The following SLC26A8 variants were observed in gnomAD, a reference collection of about 807,000 sequenced individuals.
SLC26A8 encodes the protein testis anion transporter 1.
Under a neutral mutation model 105.0 loss-of-function variants are expected in SLC26A8, and 70 were observed. The ratio of observed to expected loss-of-function variants is 0.67; its 90% CI spans 0.55 to 0.81. The LOEUF is 0.81. SLC26A8 is among the 40% of genes least tolerant of loss of function. The probability of loss-of-function intolerance (pLI) is 0.00; values close to 1 mark genes in which losing one functional copy is unlikely to be tolerated. For missense variants in SLC26A8, 998 were observed against 1,181.8 expected (o/e 0.84, Z 2.28); for synonymous variants, 415 against 438.3 (o/e 0.95, Z 0.66).
intron 2 of SLC26A8, among the ~76,000 whole-genome samples, chr6:36,013,993 T>C (rs1276903212): frequency 6.6e-6 from 1 of 152,184 alleles, no homozygotes; most frequent in African/African-American, 2.4e-5. Context: ...TTCTAGCCAC[T>C]CTCCTGCCTC....
intron 7 of SLC26A8, among the ~76,000 whole-genome samples, chr6:35,984,617 C>T (rs1324244765): frequency 2.6e-5 from 4 of 152,170 alleles, no homozygotes; most frequent in Non-Finnish European, 5.9e-5. Context: ...AGACACCGAG[C>T]TTGGCCCCCA....
chr6:35,947,274 G>A (rs547640174), intron 19 of SLC26A8, among the ~76,000 whole-genome samples: 153 of 152,000 alleles, frequency 1.0e-3, no homozygotes, highest in African/African-American at 3.1e-3. Flanking sequence ...CAAGTGATCC[G>A]CCTTCCTTGG....
chr6:35,958,579 A>C (rs1317213581), intron 16 of SLC26A8, among the ~76,000 whole-genome samples: 2 of 152,154 alleles, frequency 1.3e-5, no homozygotes, highest in African/African-American at 4.8e-5. Context: ...GCCTGAGGTC[A>C]GGAGTTCGAG....
chr6:36,000,820 A>T (rs990549561), intron 3 of SLC26A8, among the ~76,000 whole-genome samples: 1 of 152,188 alleles, frequency 6.6e-6, no homozygotes, highest in Non-Finnish European at 1.5e-5. Context: ...TTTTTATAAG[A>T]CATTTCAAAC....
chr6:35,952,944 G>A (rs1771930146), intron 17 of SLC26A8, among the ~76,000 whole-genome samples: 1 of 150,050 alleles, frequency 6.7e-6, no homozygotes, highest in South Asian at 2.1e-4. Flanking sequence ...AACCCGGGAG[G>A]TGGAGATTGC....
intron 4 of SLC26A8, 44 bp downstream of exon 4, chr6:35,999,948 T>C: frequency 7.5e-7 from 1 of 1,333,208 alleles, no homozygotes; most frequent in South Asian, 1.2e-5. Context: ...ATGATCAAGA[T>C]GGAAACTTCA....
At position 35,955,540 on chromosome 6, in the gene SLC26A8, G is replaced by A; in HGVS notation, c.1864-20C>T. 1 of 1,608,332 alleles carries A rather than the reference G, an allele frequency of 6.2e-7. No individual in the cohort carries two copies. Among genetic ancestry groups the A allele is most frequent in the Admixed American group, 1.7e-5 (1 of 59,810 alleles). ...AAGAATCTGGGACGACAGAGTTAAG[G>A]GAGGGCTGTGGTAAGACACCAACAA... On this transcript the variant is annotated intron_variant, in intron 16 of 19. Transcript: ENST00000490799.
chr6:35,994,871 C>T (rs1348193276), intron 5 of SLC26A8, among the ~76,000 whole-genome samples: 2 of 152,224 alleles, frequency 1.3e-5, no homozygotes, highest in Non-Finnish European at 2.9e-5. Context: ...GCCACTGTGG[C>T]TGGCCTGCAT....
At chr6:36,004,979 G>A (rs1347384426) in intron 3 of SLC26A8, among the ~76,000 whole-genome samples, 1 of 151,758 alleles carries the variant, frequency 6.6e-6, no homozygotes, top group Non-Finnish European at 1.5e-5. Flanking sequence ...ATTTACTCTT[G>A]AAAAGCAGCG....
chr6:35,961,273 A>G (rs941394644), intron 12 of SLC26A8, among the ~76,000 whole-genome samples, 174 bp from the exon 13 acceptor site: 2 of 152,170 alleles, frequency 1.3e-5, no homozygotes, highest in African/African-American at 4.8e-5. Context: ...GCCCTCCAGG[A>G]TGCCTAGCAA....
intron 10 of SLC26A8, among the ~76,000 whole-genome samples, chr6:35,971,162 C>T (rs772452840): frequency 2.0e-5 from 3 of 152,212 alleles, no homozygotes; most frequent in Non-Finnish European, 4.4e-5. Flanking sequence ...CTTGGCTGCA[C>T]ATTCATAGGA....
At chr6:35,969,656 T>TACA (rs1200691315) in intron 10 of SLC26A8, 2 of 81,454 alleles carry the variant, frequency 2.5e-5, no homozygotes, top group Admixed American at 2.1e-4. Flanking sequence ...TCAGCCCTAC[T>TACA]TCCCATGTAA....
intron 2 of SLC26A8, 21 bp from the exon 3 acceptor site, chr6:36,012,393 G>C: frequency 6.5e-7 from 1 of 1,550,072 alleles, no homozygotes; most frequent in Non-Finnish European, 8.7e-7. Flanking sequence ...GAGGAGCAGA[G>C]ACTTGGTTAG....
intron 7 of SLC26A8, among the ~76,000 whole-genome samples, chr6:35,988,097 G>GACA (rs905261633): frequency 1.3e-5 from 2 of 151,604 alleles, no homozygotes. Flanking sequence ...TTTTAGTAGA[G>GACA]ACAAGGTTTC....
chr6:36,007,685 CTGT>C (rs1761728210), intron 3 of SLC26A8, among the ~76,000 whole-genome samples: 2 of 152,114 alleles, frequency 1.3e-5, no homozygotes, highest in Non-Finnish European at 2.9e-5. Flanking sequence ...TTAAAACTCA[CTGT>C]CAAGATATGG....
intron 11 of SLC26A8, among the ~76,000 whole-genome samples, chr6:35,965,028 T>A (rs1772454330): frequency 6.6e-6 from 1 of 150,934 alleles, no homozygotes. Context: ...ATAACAAAAA[T>A]GTAGACAACC....
chr6:36,009,408 C>T (rs888541858), intron 3 of SLC26A8, among the ~76,000 whole-genome samples: 6 of 151,800 alleles, frequency 4.0e-5, no homozygotes, highest in African/African-American at 1.5e-4. Context: ...ATGTTCATAT[C>T]GTCTATATGT....
rs1772085626 is a variant in SLC26A8 at position 35,956,788 on chromosome 6, G to A, written c.1864-1268C>T. On this transcript the variant is annotated intron_variant, in intron 16 of 19. Coordinates refer to ENST00000490799, the MANE Select transcript of SLC26A8 (RefSeq NM_052961.4). Reference sequence around the variant, plus strand: ...TACAAAGTTAGCCAGGTGTGGTGGTGCATGCCTGTAATCCCAGCTACTTAG... The same window carrying A: ...TACAAAGTTAGCCAGGTGTGGTGGTACATGCCTGTAATCCCAGCTACTTAG... 2.6e-5 allele frequency among the ~76,000 whole-genome samples: 4 copies of A among 151,762 alleles called. No individual in the cohort carries two copies. In the South Asian group the frequency reaches 8.3e-4, roughly 32 times the overall value.
In SLC26A8 at chr6:35,982,211, G is replaced by T. The variant is rs756752303; in HGVS notation, c.943-8C>A. On this transcript the variant is annotated splice_polypyrimidine_tract_variant and splice_region_variant and intron_variant, in intron 7 of 19. Transcript: ENST00000490799. ...CACAGTGAAGCCAATAATCTGTAGGGGGTAAAAAAAGAAGGGATGGGGGCA... is the reference window on the plus strand; with the variant it reads ...CACAGTGAAGCCAATAATCTGTAGGTGGTAAAAAAAGAAGGGATGGGGGCA... 1 of 1,613,246 alleles carries T rather than the reference G, an allele frequency of 6.2e-7. No homozygotes were observed. The highest frequency in any genetic ancestry group is 8.5e-7 in the Non-Finnish European group (1 of 1,179,744).
Sources: gnomAD v4.1 joint callset for allele counts (sites outside exome capture counted in the v4.1 genomes callset) on GRCh38, gnomAD v4.1.1 for gene constraint, MANE v1.5 for transcripts, NCBI Gene and HGNC (gene_info 2026-07-23, HGNC 2026-07-21) for gene names.